BRCA1: variants seen among roughly 807,000 people sequenced by gnomAD.
The protein encoded by BRCA1 is BRCA1 DNA repair associated.
Under a neutral mutation model 173.7 loss-of-function variants are expected in BRCA1, and 140 were observed. That is an observed-to-expected ratio of 0.81 (90% CI 0.70 to 0.93). BRCA1 has a LOEUF of 0.93. Ranked by LOEUF, BRCA1 falls within the 40% of genes least tolerant of loss-of-function variation. BRCA1 has a pLI of 0.00. For synonymous variants in BRCA1, 662 were observed against 756.0 expected, an observed-to-expected ratio of 0.88 and a Z score of 2.04; for missense variants, 1,983 against 2,172.5, an observed-to-expected ratio of 0.91 and a Z score of 1.73.
chr17:43,147,817 C>CTA (rs2056133254), intron 1 of BRCA1, among the ~76,000 whole-genome samples: 1 of 151,470 alleles, frequency 6.6e-6, no homozygotes, highest in Non-Finnish European at 1.5e-5. Context: ...TGAGTGCCCT[C>CTA]TCCAACACCT....
At position 43,070,991 on chromosome 17, in the gene BRCA1, A is replaced by C. The variant is rs876658258; in HGVS notation, c.4923T>G (p.Ala1641=). ...TTCTTTTGTTGACCCTTTCTGTTGA[A>C]GCTGTCAATTCTGGCTTCTCCCTGC... ...SVSREKPELT[A]STERVNKRMS... is the part of the protein sequence containing the mutation. Residue 1641 remains alanine, a synonymous_variant, in exon 15 of 23, where the codon GCT becomes GCG. Transcript: ENST00000357654. The C allele has an allele frequency of 6.2e-7, 1 of 1,614,230 alleles. No homozygotes were observed.
At chr17:43,050,493 G>C (rs1185609324) in intron 20 of BRCA1, among the ~76,000 whole-genome samples, 1 of 151,616 alleles carries the variant, frequency 6.6e-6, no homozygotes, top group Admixed American at 6.6e-5. Context: ...CACGCCTGTA[G>C]TCTCAGCTAT....
intron 1 of BRCA1, among the ~76,000 whole-genome samples, chr17:43,141,847 A>G (rs1385696305): frequency 6.6e-6 from 1 of 152,122 alleles, no homozygotes; most frequent in Non-Finnish European, 1.5e-5. Flanking sequence ...AATATGCCAA[A>G]ATAGGAACCT....
chr17:43,143,139 C>G (rs2056092103), intron 1 of BRCA1, among the ~76,000 whole-genome samples: 1 of 150,050 alleles, frequency 6.7e-6, no homozygotes, highest in African/African-American at 2.5e-5. Flanking sequence ...ACGGGTTTCT[C>G]CATGTTGGTT....
chr17:43,138,789 G>A (rs373865744), intron 1 of BRCA1: 23 of 778,868 alleles, frequency 3.0e-5, no homozygotes, highest in African/African-American at 1.2e-4. Context: ...AGCAGCAGGC[G>A]TGCAGGCTCT....
At chr17:43,142,950 A>ATGTGTG (rs1163739976) in intron 1 of BRCA1, among the ~76,000 whole-genome samples, 2 of 134,858 alleles carry the variant, frequency 1.5e-5, no homozygotes, top group African/African-American at 5.3e-5. Context: ...GTATATATAT[A>ATGTGTG]TGTGTGTGTG....
chr17:43,149,525 G>T (rs948867484), intron 1 of BRCA1, among the ~76,000 whole-genome samples: 2 of 151,688 alleles, frequency 1.3e-5, no homozygotes, highest in African/African-American at 4.8e-5. Context: ...ATGAGCCACC[G>T]CACCCAGCCT....
intron 19 of BRCA1, among the ~76,000 whole-genome samples, chr17:43,051,744 C>A (rs2051249340): frequency 6.6e-6 from 1 of 151,578 alleles, no homozygotes; most frequent in African/African-American, 2.4e-5. Flanking sequence ...TCAAGCGATT[C>A]TCCTGCCTTA....
chr17:43,160,702 G>A (rs2154581723), intron 1 of BRCA1: 1 of 152,178 alleles, frequency 6.6e-6, no homozygotes, highest in South Asian at 2.1e-4. Context: ...GACAATATGA[G>A]GGGTGGTCTC....
chr17:43,054,807 A>G (rs2051391267), intron 19 of BRCA1, among the ~76,000 whole-genome samples: 1 of 150,470 alleles, frequency 6.6e-6, no homozygotes. Context: ...CAGTGGCGCA[A>G]TCTTGGCTCA....
chr17:43,092,680 T>C lies in BRCA1; in HGVS notation c.2851A>G (p.Arg951Gly), dbSNP rs1347533994. 3 of 1,614,040 alleles carry C rather than the reference T, an allele frequency of 1.9e-6. No homozygotes were observed. In the African/African-American group the frequency reaches 4.0e-5, roughly 22 times the overall value. ...CTGAACTGAGATGATAGACAAAACC[T>C]AGAGCCTCCTTTGATACTACATTTG... ...NAKCSIKGGS[R>G]FCLSSQFRGN... Residue 951 changes from arginine to glycine, a missense_variant, in exon 10 of 23, where the codon AGG (arginine) becomes GGG (glycine). Coordinates refer to ENST00000357654, the MANE Select transcript of BRCA1 (RefSeq NM_007294.4).
rs1221828460 is a variant in BRCA1, at chr17:43,100,632, T to A, written c.442-752A>T. Reference sequence around the variant, plus strand: ...AACATATATATAACATATATATATGTTATATATATATAACATATATATAAC... The same window carrying A: ...AACATATATATAACATATATATATGATATATATATATAACATATATATAAC... On this transcript the variant is annotated intron_variant, in intron 6 of 22. Transcript: ENST00000357654. Among the ~76,000 whole-genome samples, 170 of 43,208 alleles carry A rather than the reference T, an allele frequency of 3.9e-3. 12 individuals are homozygous for A. Among genetic ancestry groups the A allele is most frequent in the African/African-American group, 0.031 (129 of 4,162 alleles). 28.3% of individuals were successfully genotyped at this position (43,208 alleles called of 152,430 possible).
At position 43,093,058 on chromosome 17, in the gene BRCA1, C is replaced by A. The variant is rs80357328; in HGVS notation, c.2473G>T (p.Asp825Tyr). The change falls in exon 10 of 23, where the codon GAC (aspartate) becomes TAC (tyrosine). Residue 825 changes from aspartate to tyrosine, a missense_variant. Asp to Tyr is a radical substitution (Grantham distance 160). Coordinates refer to ENST00000357654, the MANE Select transcript of BRCA1 (RefSeq NM_007294.4). ...AATGGATACTTAAAGCCTTCTGTGT[C>A]ATTTCTATTATCTTTGGAACAACCA... is the stretch of plus-strand genomic sequence containing the variant. ...IHGCSKDNRN[D>Y]TEGFKYPLGH... 7.4e-6 allele frequency: 12 copies of A among 1,613,716 alleles called. No individual in the cohort carries two copies. Among genetic ancestry groups the A allele is most frequent in the Non-Finnish European group, 1.0e-5 (12 of 1,180,004 alleles).
chr17:43,132,060 A>C (rs1416891716), intron 1 of BRCA1, among the ~76,000 whole-genome samples: 1 of 152,196 alleles, frequency 6.6e-6, no homozygotes, highest in African/African-American at 2.4e-5. Flanking sequence ...ATGGGATTAC[A>C]GGCATGAGCC....
At chr17:43,096,062 T>C in intron 8 of BRCA1, 140 bp from the exon 9 acceptor site, 4 of 739,210 alleles carry the variant, frequency 5.4e-6, no homozygotes, top group South Asian at 1.6e-5. Flanking sequence ...AGCTGCTCTC[T>C]CCTTTAGAAA....
chr17:43,135,049 G>T (rs1554062), intron 1 of BRCA1, among the ~76,000 whole-genome samples: 16,194 of 152,274 alleles, frequency 0.11, 2,668 homozygotes, highest in African/African-American at 0.35. Flanking sequence ...TGGGTGGAGG[G>T]TACTTTCCCA....
At chr17:43,137,076 A>G (rs1277037778) in intron 1 of BRCA1, among the ~76,000 whole-genome samples, 1 of 152,174 alleles carries the variant, frequency 6.6e-6, no homozygotes, top group African/African-American at 2.4e-5. Flanking sequence ...TGTGGCACAT[A>G]TACACCATAA....
intron 19 of BRCA1, 105 bp downstream of exon 19, chr17:43,056,947 G>T: frequency 2.0e-6 from 2 of 990,332 alleles, no homozygotes; most frequent in Non-Finnish European, 1.6e-6. Flanking sequence ...CACTGTGTAT[G>T]TATGTAATAA....
At chr17:43,130,362 G>C (rs569319213), upstream of BRCA1, among the ~76,000 whole-genome samples, 1 of 151,966 alleles carries the variant, frequency 6.6e-6, no homozygotes, top group Non-Finnish European at 1.5e-5. Flanking sequence ...TCACCCAGGC[G>C]GGAGTGCAGT....
Sources: allele counts gnomAD v4.1 joint callset (sites outside exome capture counted in the v4.1 genomes callset), GRCh38; gene constraint gnomAD v4.1.1; transcripts MANE v1.5; gene names NCBI Gene and HGNC (gene_info 2026-07-23, HGNC 2026-07-21).